SLC38A10: variants seen among roughly 807,000 people sequenced by gnomAD.
The protein encoded by SLC38A10 is Sodium-coupled neutral amino acid transporter 10.
Under a neutral mutation model 81.0 loss-of-function variants are expected in SLC38A10, and 53 were observed. The observed-to-expected ratio is 0.65, with a 90% CI of 0.53 to 0.82. SLC38A10 has a LOEUF of 0.82. Among genes scored for constraint, SLC38A10 ranks in the 40% least tolerant of loss-of-function variants. The pLI is 0.00. For missense variants in SLC38A10, 1,471 were observed against 1,545.0 expected, an observed-to-expected ratio of 0.95 and a Z score of 0.80; for synonymous variants, 665 against 655.3, an observed-to-expected ratio of 1.01 and a Z score of -0.23.
At position 81,261,223 on chromosome 17, in the gene SLC38A10, C is replaced by T. The variant is rs547232436; in HGVS notation, c.1132-829G>A. On this transcript the variant is annotated intron_variant, in intron 10 of 15. Transcript: ENST00000374759. ...ACACTGCTTGGCCCGGCTCCTGCCA[C>T]CCCGGCTCCCGCCACCCCGGCTCCT... Among the ~76,000 whole-genome samples, 99 of 152,290 alleles carry T rather than the reference C, an allele frequency of 6.5e-4. 1 individual carries two copies. Among genetic ancestry groups the T allele is most frequent in the African/African-American group, 2.2e-3 (92 of 41,548 alleles).
At position 81,277,767 on chromosome 17, in the gene SLC38A10, G is replaced by A. The variant is rs754346539; in HGVS notation, c.627-634C>T. Among the ~76,000 whole-genome samples the A allele has an allele frequency of 1.8e-4, 28 of 152,328 alleles. No individual in the cohort carries two copies. In the East Asian group the frequency reaches 3.7e-3, roughly 20 times the overall value. On this transcript the variant is annotated intron_variant, in intron 6 of 15. Transcript: ENST00000374759. The surrounding 1 kb of genome is among the most constrained non-coding windows in gnomAD (Gnocchi z 4.5). ...TGCACAGGCAGCAGACGCATCCGAG[G>A]GACCTGCACAGGGACCTGGGCCTCT... is the stretch of plus-strand genomic sequence containing the variant.
Position 81,295,134 on chromosome 17 carries a change from G to A in SLC38A10, c.-213C>T, listed in dbSNP as rs117190386. 66,746 of 824,284 alleles carry A rather than the reference G, an allele frequency of 0.081. 2,850 individuals carry two copies. Among genetic ancestry groups the A allele is most frequent in the East Asian group, 0.12 (2,475 of 20,072 alleles). The allele number at this position is 824,284 out of a possible 1,614,324, so 51.1% of individuals were successfully genotyped here. ...AGGCAGCCTCGAAGGCCGGCTGCGG[G>A]GGCGAGGTCAACCTCCGGACCCCGC... On this transcript the variant is annotated 5_prime_UTR_variant, in exon 1 of 16. Coordinates refer to ENST00000374759, the MANE Select transcript of SLC38A10 (RefSeq NM_001037984.3).
At position 81,246,563 on chromosome 17, in the gene SLC38A10, G is replaced by T; in HGVS notation, c.2353C>A (p.Leu785Ile). The change falls in exon 16 of 16, where the codon CTC becomes ATC. Residue 785 changes from leucine (L) to isoleucine (I), a missense_variant. Physicochemically the swap from Leu to Ile is conservative, Grantham distance 5 (BLOSUM62 2). Transcript: ENST00000374759. The part of the protein sequence containing the change: ...NLPPLPLDPV[L>I]RAPGGRPAPS... The stretch of plus-strand genomic sequence containing the variant: ...GCAGGGCGGCCCCCAGGAGCTCTGA[G>T]GACAGGGTCCAAAGGCAGGGGAGGC... 6.6e-7 allele frequency: 1 copy of T among 1,516,470 alleles called. No individual in the cohort carries two copies. Among genetic ancestry groups the T allele is most frequent in the South Asian group, 1.3e-5 (1 of 74,998 alleles). The allele number at this position is 1,516,470 out of a possible 1,614,324, so 93.9% of individuals were successfully genotyped here. A position where few individuals can be genotyped will look rare whatever the true frequency, so the allele number is the denominator to read the frequency against.
intron 9 of SLC38A10, among the ~76,000 whole-genome samples, 166 bp from the exon 10 acceptor site, chr17:81,271,190 C>T (rs1486485180): frequency 6.6e-6 from 1 of 152,256 alleles, no homozygotes; most frequent in East Asian, 1.9e-4. Context: ...AGCCTGACAA[C>T]CGCGGCTGAT....
At position 81,294,961 on chromosome 17, in the gene SLC38A10, G is replaced by A; in HGVS notation, c.-40C>T. 2.0e-6 allele frequency: 3 copies of A among 1,537,198 alleles called. No individual in the cohort carries two copies. Among genetic ancestry groups the A allele is most frequent in the East Asian group, 2.6e-5 (1 of 38,644 alleles). On this transcript the variant is annotated 5_prime_UTR_variant, in exon 1 of 16. Coordinates refer to ENST00000374759, the MANE Select transcript of SLC38A10 (RefSeq NM_001037984.3). ...GGGCCCGGGGCGAGAGGCCTCGGGGGTCGCCGGGCTGCGGCCGGCTTTGGA... is the reference window on the plus strand; with the variant it reads ...GGGCCCGGGGCGAGAGGCCTCGGGGATCGCCGGGCTGCGGCCGGCTTTGGA...
rs150738273 is a variant in SLC38A10, at chr17:81,253,105, G to C, written c.1424C>G (p.Pro475Arg). Residue 475 changes from proline to arginine, a missense_variant, in exon 12 of 16, where the codon CCG (proline) becomes CGG (arginine). Pro to Arg is a moderately radical substitution (Grantham distance 103, BLOSUM62 -2). Transcript: ENST00000374759. This position sits in a 1 kb window ranked among gnomAD's most constrained non-coding sequence, Gnocchi z 4.1. Reference sequence around the variant, plus strand: ...AGGGCGATCGAGCTGTGCCTCCTCCGGTGCCTCCTTGCCATCTTCCCGTCC... The same window carrying C: ...AGGGCGATCGAGCTGTGCCTCCTCCCGTGCCTCCTTGCCATCTTCCCGTCC... ...VPGREDGKEA[P>R]EEAQLDRPGQ... The C allele has an allele frequency of 1.1e-5, 17 of 1,613,674 alleles. No homozygotes were observed. The highest frequency in any genetic ancestry group is 1.4e-5 in the Non-Finnish European group (17 of 1,179,988).
Position 81,252,515 on chromosome 17 carries a change from A to G in SLC38A10, c.1625T>C (p.Leu542Pro). 3 of 1,613,370 alleles carry G rather than the reference A, an allele frequency of 1.9e-6. No homozygotes were observed. The highest frequency in any genetic ancestry group is 2.5e-6 in the Non-Finnish European group (3 of 1,180,000). Residue 542 changes from leucine to proline, a missense_variant, in exon 13 of 16, where the codon CTG becomes CCG. This residue lies in a region of SLC38A10 where 720 missense variants were observed against 827.7 expected (regional missense o/e 0.87). Transcript: ENST00000374759. ...TTGTTTCTCTCTTTCTGAGTCGGGCAGAGGCGGCGCCATCTGGCCCTGGAC... is the reference window on the plus strand; with the variant it reads ...TTGTTTCTCTCTTTCTGAGTCGGGCGGAGGCGGCGCCATCTGGCCCTGGAC... Reference protein sequence around the residue: ...PGVQGQMAPPLPDSEREKQEP... With the variant: ...PGVQGQMAPPPPDSEREKQEP...
chr17:81,292,532 C>T lies in SLC38A10; in HGVS notation c.99+2291G>A, dbSNP rs114177238. ...ACACTAAACACACACATCCCCAAAT[C>T]GCCTGCTGGCGTCTCCCTGCGCCCC... On this transcript the variant is annotated intron_variant, in intron 1 of 15. Coordinates refer to ENST00000374759, the MANE Select transcript of SLC38A10 (RefSeq NM_001037984.3). Among the ~76,000 whole-genome samples the T allele has an allele frequency of 7.1e-3, 1,075 of 152,120 alleles. 15 individuals carry two copies. The highest frequency in any genetic ancestry group is 0.025 in the African/African-American group (1,019 of 41,516).
Position 81,276,978 on chromosome 17 carries a change from G to A in SLC38A10, c.729+53C>T. 1 of 1,557,204 alleles carries A rather than the reference G, an allele frequency of 6.4e-7. No individual in the cohort carries two copies. Among genetic ancestry groups the A allele is most frequent in the Non-Finnish European group, 8.9e-7 (1 of 1,129,396 alleles). On this transcript the variant is annotated intron_variant, in intron 7 of 15. Coordinates refer to ENST00000374759, the MANE Select transcript of SLC38A10 (RefSeq NM_001037984.3). This position sits in a 1 kb window ranked among gnomAD's most constrained non-coding sequence, Gnocchi z 4.7. ...TGTGGCAGTCCCACGGGGCACCACG[G>A]CACATCATGCTGGCATGACACAGGG... is the stretch of plus-strand genomic sequence containing the variant.
At chr17:81,250,026 G>T in intron 14 of SLC38A10, 6 of 1,283,540 alleles carry the variant, frequency 4.7e-6, no homozygotes, top group Non-Finnish European at 6.1e-6. Context: ...TCTGTGGCCC[G>T]CCAGACAGGC....
chr17:81,275,508 C>T (rs576093160), intron 8 of SLC38A10, among the ~76,000 whole-genome samples: 11 of 151,604 alleles, frequency 7.3e-5, no homozygotes, highest in South Asian at 2.1e-4. Context: ...CCGAGACGGG[C>T]GGATCACGAG....
rs1290353725 is a variant in SLC38A10 at position 81,283,648 on chromosome 17, C to CT, written c.264-147dup. On this transcript the variant is annotated intron_variant, in intron 3 of 15. Coordinates refer to ENST00000374759, the MANE Select transcript of SLC38A10 (RefSeq NM_001037984.3). The surrounding 1 kb of genome is among the most constrained non-coding windows in gnomAD (Gnocchi z 4.7). ...TTTTTTTTTGAAACAGAGTCTCACTCTGTCGCCCAGGCTGGAGTGCAATGG... is the reference window on the plus strand; with the variant it reads ...TTTTTTTTTGAAACAGAGTCTCACTCTTGTCGCCCAGGCTGGAGTGCAATGG... The CT allele has an allele frequency of 1.1e-4, 58 of 546,856 alleles. No homozygotes were observed. In the Admixed American group the frequency reaches 1.8e-3, roughly 17 times the overall value. The allele number at this position is 546,856 out of a possible 1,614,324, so 33.9% of individuals were successfully genotyped here.
Position 81,270,948 on chromosome 17 carries a change from C to T in SLC38A10, c.1101G>A (p.Lys367=). The T allele has an allele frequency of 1.9e-6, 3 of 1,614,020 alleles. No individual in the cohort carries two copies. The highest frequency in any genetic ancestry group is 2.5e-6 in the Non-Finnish European group (3 of 1,180,026). ...ICFICPALIY[K]KIHKNALSSQ... is the part of the protein sequence containing the mutation. ...AGGAAAGTGCGTTCTTGTGGATTTT[C>T]TTGTAGATCAGCGCCGGGCAGATGA... Residue 367 remains lysine, a synonymous_variant, in exon 10 of 16, where the codon AAG becomes AAA. Transcript: ENST00000374759. This position sits in a 1 kb window ranked among gnomAD's most constrained non-coding sequence, Gnocchi z 4.0.
chr17:81,291,690 A>G (rs530550876), intron 1 of SLC38A10, among the ~76,000 whole-genome samples: 19 of 152,262 alleles, frequency 1.2e-4, no homozygotes, highest in Admixed American at 2.6e-4. Flanking sequence ...ACAGGCACGC[A>G]CCCAGCAGAA....
intron 11 of SLC38A10, among the ~76,000 whole-genome samples, chr17:81,259,369 C>T (rs72860049): frequency 0.042 from 6,421 of 152,288 alleles, 183 homozygotes; most frequent in Middle Eastern, 0.082. Context: ...TGGATATGGT[C>T]GGCACACGGG....
At position 81,272,570 on chromosome 17, in the gene SLC38A10, G is replaced by C; in HGVS notation, c.970C>G (p.Leu324Val). Residue 324 changes from leucine to valine, a missense_variant, in exon 9 of 16, where the codon CTT (leucine) becomes GTT (valine). This residue lies in a region of SLC38A10 where 720 missense variants were observed against 827.7 expected (regional missense o/e 0.87). Transcript: ENST00000374759. ...GYMPPLRFKA[L>V]TLSVVFGTMV... ...GTTCCAAACACCACAGAGAGGGTAA[G>C]TGCTTTAAACCGGAGAGGGGGCATG... is the stretch of plus-strand genomic sequence containing the variant. 1 of 1,596,044 alleles carries C rather than the reference G, an allele frequency of 6.3e-7. No homozygotes were observed. The highest frequency in any genetic ancestry group is 1.1e-5 in the South Asian group (1 of 88,084).
In SLC38A10 at chr17:81,246,127, T is replaced by A; in HGVS notation, c.2789A>T (p.Gln930Leu). The change falls in exon 16 of 16, where the codon CAA (glutamine) becomes CTA (leucine). Residue 930 changes from glutamine (Q) to leucine (L), a missense_variant. Around this residue, in one of 2 missense-constraint regions of SLC38A10, gnomAD observed 751 missense variants for 717.4 expected, o/e 1.05. Coordinates refer to ENST00000374759, the MANE Select transcript of SLC38A10 (RefSeq NM_001037984.3). ...TGCAAGGCCCAGGTCTCGGCTCACT[T>A]GCTTGGGCTTCATGCGAGGGTCCCC... is the stretch of plus-strand genomic sequence containing the variant. ...ETGDPRMKPKQVSRDLGLAAD... is the reference protein window; with the variant it reads ...ETGDPRMKPKLVSRDLGLAAD... 1 of 1,609,724 alleles carries A rather than the reference T, an allele frequency of 6.2e-7. No individual in the cohort carries two copies. The highest frequency in any genetic ancestry group is 2.2e-5 in the East Asian group (1 of 44,878).
At chr17:81,251,908 G>C in intron 13 of SLC38A10, 1 of 516,598 alleles carries the variant, frequency 1.9e-6, no homozygotes, top group Non-Finnish European at 3.2e-6. Flanking sequence ...TACCTGTCAG[G>C]CGCCCCCCGC....
intron 14 of SLC38A10, chr17:81,250,961 G>A (rs2062904604): frequency 1.5e-6 from 2 of 1,305,370 alleles, no homozygotes; most frequent in African/African-American, 3.0e-5. Flanking sequence ...CCCTGTAGAT[G>A]AACACAGCCG....
Sources: allele counts gnomAD v4.1 joint callset (sites outside exome capture counted in the v4.1 genomes callset), GRCh38; gene constraint gnomAD v4.1.1; regional missense constraint gnomAD v4.1.1; non-coding constraint Gnocchi (gnomAD v3.1); transcripts MANE v1.5; gene names NCBI Gene and HGNC (gene_info 2026-07-23, HGNC 2026-07-21).